Variants in RTL4 observed in about 807,000 individuals in gnomAD.
The protein encoded by RTL4 is retrotransposon Gag-like protein 4.
In RTL4, 4 loss-of-function variants were observed where a neutral mutation model predicts 5.3. The observed-to-expected ratio is 0.75, with a 90% CI of 0.37 to 1.72. The LOEUF is 1.72. Ranked by LOEUF, RTL4 falls within the 40% of genes most tolerant of loss-of-function variation. RTL4 has a pLI of 0.04. For missense variants in RTL4, 260 were observed against 227.1 expected (o/e 1.14, Z -0.93); for synonymous variants, 98 against 87.3 (o/e 1.12, Z -0.68).
chrX:112,288,659 C>T, the RTL4 span, among the ~76,000 whole-genome samples: 2 of 111,739 alleles, frequency 1.8e-5, no homozygotes, highest in Admixed American at 9.5e-5. Context: ...GTTTATTTCT[C>T]CTCATATATT....
At chrX:112,410,964 A>C in the RTL4 span, among the ~76,000 whole-genome samples, 1 of 111,623 alleles carries the variant, frequency 9.0e-6, no homozygotes, top group Non-Finnish European at 1.9e-5. Context: ...GAGCAGCAAA[A>C]TCAACAAAAC....
chrX:112,222,112 T>A, the RTL4 span, among the ~76,000 whole-genome samples: 15 of 111,678 alleles, frequency 1.3e-4, no homozygotes, highest in African/African-American at 4.9e-4. Context: ...TAAGGACAAT[T>A]ATTTTCTTGA....
At chrX:112,187,758 G>T in the RTL4 span, among the ~76,000 whole-genome samples, 16 of 111,645 alleles carry the variant, frequency 1.4e-4, no homozygotes, top group African/African-American at 5.2e-4. Flanking sequence ...GGAGTGAAGT[G>T]CAGGTGAATA....
the RTL4 span, among the ~76,000 whole-genome samples, chrX:112,304,841 TC>T: frequency 9.2e-6 from 1 of 109,141 alleles, no homozygotes; most frequent in East Asian, 2.9e-4. Context: ...GCTTCTTTCC[TC>T]CCATCCCACT....
chrX:112,402,288 C>T, the RTL4 span, among the ~76,000 whole-genome samples: 10 of 111,158 alleles, frequency 9.0e-5, no homozygotes, highest in East Asian at 2.8e-4. Flanking sequence ...GCAAATCACA[C>T]GTTTTCCTTC....
chrX:112,265,781 TC>T, the RTL4 span, among the ~76,000 whole-genome samples: 5 of 107,871 alleles, frequency 4.6e-5, no homozygotes, highest in Admixed American at 5.0e-4. Context: ...CTTCCCATTT[TC>T]CCCTCCCTTT....
the RTL4 span, among the ~76,000 whole-genome samples, chrX:112,311,061 A>C: frequency 2.2e-4 from 24 of 107,185 alleles, no homozygotes; most frequent in African/African-American, 7.1e-4. Flanking sequence ...AGGCCTGTGT[A>C]AGTAGCTACA....
At chrX:112,236,452 GATATAGATCTATATCTATA>G in the RTL4 span, among the ~76,000 whole-genome samples, 7 of 76,893 alleles carry the variant, frequency 9.1e-5, no homozygotes, top group Non-Finnish European at 7.1e-5. Flanking sequence ...TCTATATATA[GATATAGATCTATATCTATA>G]TATAGATATA....
the RTL4 span, among the ~76,000 whole-genome samples, chrX:112,138,976 A>T: frequency 4.5e-5 from 5 of 111,570 alleles, no homozygotes; most frequent in African/African-American, 1.6e-4. Flanking sequence ...CCAAACCAGG[A>T]TATCACATTG....
At chrX:112,440,524 CAGT>C in the RTL4 span, among the ~76,000 whole-genome samples, 2 of 111,963 alleles carry the variant, frequency 1.8e-5, no homozygotes, top group East Asian at 5.6e-4. Flanking sequence ...TTGATGTAAG[CAGT>C]ATTCTAAAAA....
At chrX:112,436,103 G>A in the RTL4 span, among the ~76,000 whole-genome samples, 1 of 110,804 alleles carries the variant, frequency 9.0e-6, no homozygotes, top group Non-Finnish European at 1.9e-5. Context: ...TGTAATCCCA[G>A]CTACTCAGGA....
At chrX:112,285,800 C>T in the RTL4 span, among the ~76,000 whole-genome samples, 11 of 111,332 alleles carry the variant, frequency 9.9e-5, no homozygotes, top group African/African-American at 3.6e-4. Flanking sequence ...TAGCTTCTTA[C>T]TGGACATCCC....
chrX:112,141,429 A>T, the RTL4 span, among the ~76,000 whole-genome samples: 1 of 111,729 alleles, frequency 9.0e-6, no homozygotes, highest in Non-Finnish European at 1.9e-5. Context: ...GCCTAAATAT[A>T]GTTGCTATAT....
chrX:112,421,132 G>T, the RTL4 span, among the ~76,000 whole-genome samples: 3 of 111,290 alleles, frequency 2.7e-5, no homozygotes, highest in Non-Finnish European at 5.7e-5. Flanking sequence ...GAGAACAAGG[G>T]CTCTGTTGTA....
the RTL4 span, among the ~76,000 whole-genome samples, chrX:112,396,016 A>G: frequency 9.0e-6 from 1 of 110,768 alleles, no homozygotes; most frequent in Admixed American, 9.6e-5. Flanking sequence ...AAACTCCAAG[A>G]TCCTATCTAC....
the RTL4 span, among the ~76,000 whole-genome samples, chrX:112,296,611 CTTTT>C: frequency 1.1e-5 from 1 of 92,523 alleles, no homozygotes; most frequent in Non-Finnish European, 2.1e-5. Flanking sequence ...TTCTTTTCTT[CTTTT>C]TTTTTTTTTT....
At chrX:112,139,994 A>T in the RTL4 span, among the ~76,000 whole-genome samples, 2 of 112,126 alleles carry the variant, frequency 1.8e-5, no homozygotes, top group African/African-American at 3.2e-5. Context: ...AGCCACGTGG[A>T]ACTGTAAGTC....
chrX:112,232,291 C>G, the RTL4 span, among the ~76,000 whole-genome samples: 1 of 111,958 alleles, frequency 8.9e-6, no homozygotes, highest in Admixed American at 9.5e-5. Flanking sequence ...TAGGTCTCCT[C>G]TTTGAGCCTC....
the RTL4 span, among the ~76,000 whole-genome samples, chrX:112,111,306 C>A: frequency 1.8e-5 from 2 of 110,378 alleles, no homozygotes; most frequent in African/African-American, 6.6e-5. Context: ...TCTGTCTCTT[C>A]CTCTCTGTCT....
Sources: gnomAD v4.1 joint callset for allele counts (sites outside exome capture counted in the v4.1 genomes callset) on GRCh38, gnomAD v4.1.1 for gene constraint, MANE v1.5 for transcripts, NCBI Gene and HGNC (gene_info 2026-07-23, HGNC 2026-07-21) for gene names.